GRIP2: variants seen among roughly 807,000 people sequenced by gnomAD.
The protein encoded by GRIP2 is glutamate receptor interacting protein 2.
In GRIP2, 58 loss-of-function variants were observed where a neutral mutation model predicts 108.3. The ratio of observed to expected loss-of-function variants is 0.54; its 90% CI spans 0.43 to 0.67. The LOEUF (loss-of-function observed/expected upper bound fraction) is 0.67, where lower values mean the gene tolerates loss of function less well. Ranked by LOEUF, GRIP2 falls within the 30% of genes least tolerant of loss-of-function variation. The pLI is 0.00. For missense variants in GRIP2, 1,278 were observed against 1,430.6 expected, an observed-to-expected ratio of 0.89 and a Z score of 1.72; for synonymous variants, 586 against 598.2, an observed-to-expected ratio of 0.98 and a Z score of 0.30.
At chr3:14,549,062 A>G (rs1032915206) in intron 1 of GRIP2, among the ~76,000 whole-genome samples, 13 of 152,274 alleles carry the variant, frequency 8.5e-5, no homozygotes, top group African/African-American at 3.1e-4. Context: ...TGGGAGATCC[A>G]CAACTGTCTT....
the GRIP2 span, among the ~76,000 whole-genome samples, chr3:14,583,532 G>A: frequency 9.2e-5 from 14 of 151,986 alleles, no homozygotes; most frequent in African/African-American, 2.4e-4. Flanking sequence ...CTGGCAGGCC[G>A]GGAGGCTGGG....
intron 9 of GRIP2, among the ~76,000 whole-genome samples, chr3:14,519,885 GCATCTAT>G (rs1694355773): frequency 2.0e-5 from 3 of 151,470 alleles, no homozygotes; most frequent in Non-Finnish European, 4.4e-5. Context: ...CAGCTTTGGG[GCATCTAT>G]GCCAGCAGAC....
chr3:14,551,303 C>CTG (rs1695144539), intron 1 of GRIP2, among the ~76,000 whole-genome samples: 3 of 152,210 alleles, frequency 2.0e-5, no homozygotes, highest in Non-Finnish European at 4.4e-5. Flanking sequence ...AGACAATGCC[C>CTG]GGACCTGAGC....
rs1287017582 is a variant in GRIP2, at chr3:14,540,246, C to T, written c.40+23G>A. On this transcript the variant is annotated intron_variant, in intron 1 of 23. Transcript: ENST00000621039. This position sits in a 1 kb window ranked among gnomAD's most constrained non-coding sequence, Gnocchi z 4.1. ...CTATGTGTTCAGCCCCATCACTCTG[C>T]CCACAGACCCCCCATTACGTACCCG... is the stretch of plus-strand genomic sequence containing the variant. 6.2e-7 allele frequency: 1 copy of T among 1,612,588 alleles called. No individual in the cohort carries two copies. Among genetic ancestry groups the T allele is most frequent in the Non-Finnish European group, 8.5e-7 (1 of 1,179,176 alleles).
At chr3:14,543,980 GA>G (rs1309055253), upstream of GRIP2, among the ~76,000 whole-genome samples, 1 of 152,242 alleles carries the variant, frequency 6.6e-6, no homozygotes, top group African/African-American at 2.4e-5. Context: ...TAATGAAACA[GA>G]AAGCATTCAT....
chr3:14,588,583 G>A, the GRIP2 span, among the ~76,000 whole-genome samples: 1 of 152,232 alleles, frequency 6.6e-6, no homozygotes, highest in Non-Finnish European at 1.5e-5. Flanking sequence ...CCACCTGCCT[G>A]CCCTTCAGGA....
the GRIP2 span, among the ~76,000 whole-genome samples, chr3:14,565,824 C>A: frequency 6.6e-5 from 10 of 152,322 alleles, no homozygotes; most frequent in South Asian, 1.9e-3. Flanking sequence ...CACAGAGGGG[C>A]GCTGGAGCTT....
At chr3:14,497,233 C>T (rs572095650) in intron 21 of GRIP2, among the ~76,000 whole-genome samples, 122 of 152,342 alleles carry the variant, frequency 8.0e-4, no homozygotes, top group African/African-American at 2.7e-3. Flanking sequence ...TCCCAAAGTG[C>T]TGGGATTACA....
intron 1 of GRIP2, among the ~76,000 whole-genome samples, chr3:14,549,300 C>T (rs1559355355): frequency 6.6e-6 from 1 of 152,216 alleles, no homozygotes; most frequent in African/African-American, 2.4e-5. Flanking sequence ...GGGAGCTCAC[C>T]ACCTCTGAGC....
intron 5 of GRIP2, chr3:14,523,348 G>A: frequency 1.7e-6 from 1 of 571,522 alleles, no homozygotes; most frequent in Non-Finnish European, 3.1e-6. Context: ...TGATCTCTAG[G>A]AAGCTCCAGA....
chr3:14,597,401 A>T, the GRIP2 span, among the ~76,000 whole-genome samples: 2 of 152,210 alleles, frequency 1.3e-5, no homozygotes, highest in Non-Finnish European at 2.9e-5. Context: ...AACCTGAGCC[A>T]AGGACAGAGA....
the GRIP2 span, among the ~76,000 whole-genome samples, chr3:14,566,436 C>T: frequency 2.0e-5 from 3 of 152,356 alleles, no homozygotes; most frequent in South Asian, 4.1e-4. Context: ...TCAAGAACTG[C>T]AGGCATTACG....
chr3:14,548,197 C>T (rs1695085824), intron 1 of GRIP2, among the ~76,000 whole-genome samples: 1 of 152,182 alleles, frequency 6.6e-6, no homozygotes, highest in Admixed American at 6.5e-5. Context: ...AAAGGCACCA[C>T]CAAAAGGGGC....
At chr3:14,591,028 CAG>C in the GRIP2 span, among the ~76,000 whole-genome samples, 5 of 152,194 alleles carry the variant, frequency 3.3e-5, no homozygotes, top group African/African-American at 9.7e-5. Flanking sequence ...CCCACCTCTG[CAG>C]AGTCATCCCT....
rs1254997214 is a variant in GRIP2 at position 14,506,763 on chromosome 3, G to A, written c.2398+38C>T. The A allele has an allele frequency of 7.8e-6, 12 of 1,531,110 alleles. No individual in the cohort carries two copies. In the South Asian group the frequency reaches 1.2e-4, roughly 16 times the overall value. The allele number at this position is 1,531,110 out of a possible 1,614,324, so 94.8% of individuals were successfully genotyped here. A position where few individuals can be genotyped will look rare whatever the true frequency, so the allele number is the denominator to read the frequency against. ...GGCCCAGCAGCAGGGGCGGCCTAGA[G>A]AGAGCGTGCCACTTGTCCAAGGGCC... On this transcript the variant is annotated intron_variant, in intron 19 of 23. Coordinates refer to ENST00000621039, the MANE Select transcript of GRIP2 (RefSeq NM_001080423.4).
chr3:14,580,203 A>G, the GRIP2 span, among the ~76,000 whole-genome samples: 1 of 152,200 alleles, frequency 6.6e-6, no homozygotes, highest in Admixed American at 6.5e-5. Flanking sequence ...TAGTCCATGG[A>G]GACCACACCG....
chr3:14,553,312 T>C (rs1695182462), intron 1 of GRIP2, among the ~76,000 whole-genome samples: 1 of 152,046 alleles, frequency 6.6e-6, no homozygotes, highest in Non-Finnish European at 1.5e-5. Context: ...TTTCACTATA[T>C]GTTGGCCAGG....
upstream of GRIP2, among the ~76,000 whole-genome samples, chr3:14,546,643 G>A (rs1695062256): frequency 6.6e-6 from 1 of 152,146 alleles, no homozygotes; most frequent in Non-Finnish European, 1.5e-5. Flanking sequence ...AGAAAAATGG[G>A]CACCAGCTAT....
rs1387608827 is a variant in GRIP2, at chr3:14,511,557, G to A, written c.1721-78C>T. 1 of 1,393,364 alleles carries A rather than the reference G, an allele frequency of 7.2e-7. No homozygotes were observed. Among genetic ancestry groups the A allele is most frequent in the African/African-American group, 1.4e-5 (1 of 70,304 alleles). 86.3% of individuals were successfully genotyped at this position (1,393,364 alleles called of 1,614,324 possible). On this transcript the variant is annotated intron_variant, in intron 14 of 23. Transcript: ENST00000621039. The surrounding 1 kb of genome is among the most constrained non-coding windows in gnomAD (Gnocchi z 4.1). Reference sequence around the variant, plus strand: ...GGTGGCGAAGCCCAGGGGTCTGAGTGTGGACTCGGAGCCACTGGTCCTACT... The same window carrying A: ...GGTGGCGAAGCCCAGGGGTCTGAGTATGGACTCGGAGCCACTGGTCCTACT...
Sources: gnomAD v4.1 joint callset for allele counts (sites outside exome capture counted in the v4.1 genomes callset) on GRCh38, gnomAD v4.1.1 for gene constraint, Gnocchi (gnomAD v3.1) non-coding constraint, MANE v1.5 for transcripts, NCBI Gene and HGNC (gene_info 2026-07-23, HGNC 2026-07-21) for gene names.